GULP1: variants seen among roughly 807,000 people sequenced by gnomAD.
GULP1 encodes the protein PTB domain-containing engulfment adapter protein 1.
A neutral mutation model predicts 40.9 loss-of-function variants in GULP1; 19 were observed. The ratio of observed to expected loss-of-function variants is 0.46; its 90% confidence interval spans 0.32 to 0.68. The LOEUF (loss-of-function observed/expected upper bound fraction) is 0.68. Among genes scored for constraint, GULP1 ranks in the 30% least tolerant of loss-of-function variants. The pLI is 0.03. For synonymous variants in GULP1, 119 were observed against 117.6 expected (o/e 1.01, Z -0.08); for missense variants, 312 against 362.2 (o/e 0.86, Z 1.12).
At chr2:188,510,815 A>T (rs1417818707) in intron 4 of GULP1, among the ~76,000 whole-genome samples, 1 of 151,560 alleles carries the variant, frequency 6.6e-6, no homozygotes, top group Admixed American at 6.6e-5. Context: ...TTGAGGAAAA[A>T]AAAAAACAAC....
intron 2 of GULP1, among the ~76,000 whole-genome samples, chr2:188,400,738 A>C (rs1429558424): frequency 6.6e-6 from 1 of 152,182 alleles, no homozygotes; most frequent in African/African-American, 2.4e-5. Flanking sequence ...TTGGAGAAGG[A>C]CATGCTGTTG....
rs143387722 is a variant in GULP1, at chr2:188,532,690, G to A, written c.261+3495G>A. 9.5e-3 allele frequency among the ~76,000 whole-genome samples: 1,436 copies of A among 151,856 alleles called. 13 individuals carry two copies. Among genetic ancestry groups the A allele is most frequent in the Non-Finnish European group, 0.013 (872 of 67,920 alleles). ...CCCAGCACTTTGGGAGGCCGAGATG[G>A]GGGAATCATGAGGTCAGCAGTTTGA... is the stretch of plus-strand genomic sequence containing the variant. On this transcript the variant is annotated intron_variant, in intron 6 of 11. Coordinates refer to ENST00000409830, the MANE Select transcript of GULP1 (RefSeq NM_016315.4).
At chr2:188,445,527 C>T (rs988626707) in intron 2 of GULP1, among the ~76,000 whole-genome samples, 2 of 152,128 alleles carry the variant, frequency 1.3e-5, no homozygotes, top group African/African-American at 2.4e-5. Flanking sequence ...ATGGAAAAGG[C>T]ATGTTTGAGA....
chr2:188,508,673 C>T (rs1180123228), intron 4 of GULP1, among the ~76,000 whole-genome samples: 2 of 151,834 alleles, frequency 1.3e-5, no homozygotes, highest in Non-Finnish European at 2.9e-5. Context: ...TTCCTTTCAG[C>T]CTACTAACAG....
In GULP1 at chr2:188,348,513, A is replaced by G. The variant is rs148278601; in HGVS notation, c.-171-35250A>G. On this transcript the variant is annotated intron_variant, in intron 1 of 11. Coordinates refer to ENST00000409830, the MANE Select transcript of GULP1 (RefSeq NM_016315.4). ...TAAACATATATTTATGAAAACACCA[A>G]TTCCTCTCCCATGAAGATGGGTATA... Among the ~76,000 whole-genome samples, 33 of 152,298 alleles carry G rather than the reference A, an allele frequency of 2.2e-4. No individual in the cohort carries two copies. In the East Asian group the frequency reaches 6.4e-3, roughly 29 times the overall value.
intron 4 of GULP1, among the ~76,000 whole-genome samples, chr2:188,491,186 G>A (rs1424808279): frequency 6.6e-6 from 1 of 152,024 alleles, no homozygotes; most frequent in South Asian, 2.1e-4. Flanking sequence ...TCAAGCAATA[G>A]CATTCTGAAG....
chr2:188,365,525 C>A (rs926336014), intron 1 of GULP1, among the ~76,000 whole-genome samples: 2 of 152,216 alleles, frequency 1.3e-5, no homozygotes, highest in Non-Finnish European at 2.9e-5. Context: ...GCATAAAATT[C>A]TTGAGTGCTA....
At chr2:188,319,259 A>T (rs1341345184) in intron 1 of GULP1, among the ~76,000 whole-genome samples, 2 of 150,250 alleles carry the variant, frequency 1.3e-5, no homozygotes, top group Non-Finnish European at 3.0e-5. Flanking sequence ...CTTATTATAA[A>T]AGATTCAAAC....
intron 7 of GULP1, among the ~76,000 whole-genome samples, chr2:188,561,028 A>G (rs1233625349): frequency 1.3e-5 from 2 of 152,196 alleles, no homozygotes; most frequent in African/African-American, 4.8e-5. Flanking sequence ...GGTCCAAACC[A>G]TATCAGCTAT....
chr2:188,352,474 G>A (rs1485555285), intron 1 of GULP1, among the ~76,000 whole-genome samples: 2 of 151,994 alleles, frequency 1.3e-5, no homozygotes, highest in African/African-American at 2.4e-5. Flanking sequence ...CTGAAACTAC[G>A]CCAGGTTGTT....
At chr2:188,306,073 T>A (rs909212263) in intron 1 of GULP1, among the ~76,000 whole-genome samples, 2 of 152,174 alleles carry the variant, frequency 1.3e-5, no homozygotes, top group African/African-American at 4.8e-5. Flanking sequence ...CCACCGTGCC[T>A]GGCCTGATTT....
At chr2:188,550,563 C>T (rs1043356924) in intron 7 of GULP1, among the ~76,000 whole-genome samples, 1 of 151,542 alleles carries the variant, frequency 6.6e-6, no homozygotes, top group African/African-American at 2.4e-5. Flanking sequence ...GTGAAAGGAA[C>T]TGTAAAATAA....
chr2:188,326,539 T>C (rs1458646570), intron 1 of GULP1, among the ~76,000 whole-genome samples: 1 of 152,132 alleles, frequency 6.6e-6, no homozygotes, highest in Non-Finnish European at 1.5e-5. Flanking sequence ...TTGTTGCTGT[T>C]GTGACTCTTA....
At chr2:188,421,503 G>GCC (rs1255293259) in intron 2 of GULP1, among the ~76,000 whole-genome samples, 2 of 152,030 alleles carry the variant, frequency 1.3e-5, no homozygotes, top group African/African-American at 4.8e-5. Flanking sequence ...ATCATTCCCA[G>GCC]CCCTTTATTG....
intron 1 of GULP1, among the ~76,000 whole-genome samples, chr2:188,295,918 A>G (rs2034813981): frequency 6.6e-6 from 1 of 152,044 alleles, no homozygotes; most frequent in Non-Finnish European, 1.5e-5. Flanking sequence ...TCCATTGATG[A>G]ATGGTAGGTG....
At chr2:188,396,740 A>G (rs540428543) in intron 2 of GULP1, among the ~76,000 whole-genome samples, 4 of 152,260 alleles carry the variant, frequency 2.6e-5, no homozygotes, top group African/African-American at 9.6e-5. Context: ...GCTCGAGATT[A>G]TATTGTAAAT....
At chr2:188,496,382 C>T (rs1243653878) in intron 4 of GULP1, among the ~76,000 whole-genome samples, 1 of 151,914 alleles carries the variant, frequency 6.6e-6, no homozygotes, top group East Asian at 1.9e-4. Flanking sequence ...CTTGCTCACA[C>T]AAACATTTGG....
rs1343541541 is a variant in GULP1, at chr2:188,586,951, T to C, written c.749-904T>C. On this transcript the variant is annotated intron_variant, in intron 10 of 11. Coordinates refer to ENST00000409830, the MANE Select transcript of GULP1 (RefSeq NM_016315.4). ...GCACATTGTGCAGGTTAGTTACCTA[T>C]GTATTTCTTACATAGAATTGAATTT... 3.9e-5 allele frequency among the ~76,000 whole-genome samples: 6 copies of C among 152,026 alleles called. No individual in the cohort carries two copies. In the South Asian group the frequency reaches 1.2e-3, roughly 31 times the overall value.
chr2:188,476,125 G>A (rs576728335), intron 2 of GULP1, among the ~76,000 whole-genome samples: 1 of 152,244 alleles, frequency 6.6e-6, no homozygotes, highest in East Asian at 1.9e-4. Flanking sequence ...CAGATGATGG[G>A]AGAAGTGAAA....
Sources: gnomAD v4.1 joint callset for allele counts (sites outside exome capture counted in the v4.1 genomes callset) on GRCh38, gnomAD v4.1.1 for gene constraint, MANE v1.5 for transcripts, NCBI Gene and HGNC (gene_info 2026-07-23, HGNC 2026-07-21) for gene names.